The following SLIT1 variants were observed in gnomAD, a reference collection of about 807,000 sequenced individuals.
SLIT1 encodes slit guidance ligand 1.
Under a neutral mutation model 186.1 loss-of-function variants are expected in SLIT1, and 66 were observed. That is an observed-to-expected ratio of 0.35 (90% CI 0.29 to 0.44). The LOEUF (loss-of-function observed/expected upper bound fraction) is 0.44, where lower values mean the gene tolerates loss of function less well. Among genes scored for constraint, SLIT1 ranks in the 20% least tolerant of loss-of-function variants. The pLI is 1.00. For missense variants in SLIT1, 1,638 were observed against 2,037.4 expected (o/e 0.80, Z 3.77); for synonymous variants, 761 against 833.8 (o/e 0.91, Z 1.50).
intron 4 of SLIT1, among the ~76,000 whole-genome samples, chr10:97,128,526 T>C (rs569062775): frequency 6.6e-6 from 1 of 152,270 alleles, no homozygotes; most frequent in East Asian, 1.9e-4. Flanking sequence ...CCCACCTCCC[T>C]CGGGCTCTGG....
intron 4 of SLIT1, among the ~76,000 whole-genome samples, chr10:97,105,188 A>C (rs1168969112): frequency 6.6e-6 from 1 of 152,250 alleles, no homozygotes; most frequent in Non-Finnish European, 1.5e-5. Flanking sequence ...CTTCCTTAAC[A>C]TAAAAAAGTC....
chr10:97,057,280 C>A lies in SLIT1; in HGVS notation c.1087G>T (p.Val363Phe). Residue 363 changes from valine (V) to phenylalanine (F), a missense_variant and splice_region_variant, in exon 12 of 37, where the codon GTC (valine) becomes TTC (phenylalanine). Around this residue, in one of 3 missense-constraint regions of SLIT1, gnomAD observed 1,245 missense variants for 1,535.3 expected, o/e 0.81. Transcript: ENST00000266058. Reference protein sequence around the residue: ...FQGLRSLNSLVLYGNKITDLP... With the variant: ...FQGLRSLNSLFLYGNKITDLP... The stretch of plus-strand genomic sequence containing the variant: ...TCTGTGATCTTGTTTCCATAGAGGA[C>A]CCTGGAGAAAAGGCAGCAGAGAGGA... 6.2e-7 allele frequency: 1 copy of A among 1,613,634 alleles called. No individual in the cohort carries two copies. The highest frequency in any genetic ancestry group is 8.5e-7 in the Non-Finnish European group (1 of 1,179,804).
At chr10:97,136,702 C>T (rs763812017) in intron 4 of SLIT1, among the ~76,000 whole-genome samples, 2 of 152,206 alleles carry the variant, frequency 1.3e-5, no homozygotes, top group African/African-American at 2.4e-5. Flanking sequence ...GATCCTTCCA[C>T]GTTTAACGAA....
chr10:97,064,483 C>G (rs939559465), intron 6 of SLIT1, among the ~76,000 whole-genome samples: 3 of 152,112 alleles, frequency 2.0e-5, no homozygotes, highest in Admixed American at 6.5e-5. Flanking sequence ...GGAGATGGAG[C>G]AGGGCGGGTG....
intron 2 of SLIT1, among the ~76,000 whole-genome samples, chr10:97,163,675 A>G (rs1357613816): frequency 6.6e-6 from 1 of 152,210 alleles, no homozygotes; most frequent in Non-Finnish European, 1.5e-5. Context: ...CAGGGCTCCC[A>G]GCATCTTACC....
At chr10:97,176,562 C>T (rs535091701) in intron 1 of SLIT1, among the ~76,000 whole-genome samples, 37 of 152,308 alleles carry the variant, frequency 2.4e-4, no homozygotes, top group African/African-American at 8.2e-4. Flanking sequence ...TACTTGCTGC[C>T]GGCCATCTGC....
intron 4 of SLIT1, among the ~76,000 whole-genome samples, chr10:97,075,276 C>G (rs144580327): frequency 6.6e-6 from 1 of 152,366 alleles, no homozygotes; most frequent in East Asian, 1.9e-4. Flanking sequence ...AACCCCCAAG[C>G]CTCAGTCTTC....
At chr10:97,030,663 A>G in intron 25 of SLIT1, 94 bp downstream of exon 25, 1 of 1,058,308 alleles carries the variant, frequency 9.4e-7, no homozygotes, top group South Asian at 1.3e-5. Context: ...AGTAAAAGCA[A>G]CAAACTCTGA....
At chr10:97,122,982 T>G (rs1025212005) in intron 4 of SLIT1, among the ~76,000 whole-genome samples, 2 of 152,190 alleles carry the variant, frequency 1.3e-5, no homozygotes, top group Non-Finnish European at 2.9e-5. Flanking sequence ...AGATGTCATT[T>G]ATCCAGGAAG....
intron 22 of SLIT1, among the ~76,000 whole-genome samples, chr10:97,037,461 C>T (rs577920966): frequency 1.6e-4 from 24 of 152,154 alleles, no homozygotes; most frequent in African/African-American, 5.5e-4. Flanking sequence ...GGGGAGACGG[C>T]GTGGGCAGGA....
At chr10:97,070,366 AC>A (rs1848991296) in intron 4 of SLIT1, among the ~76,000 whole-genome samples, 2 of 152,156 alleles carry the variant, frequency 1.3e-5, no homozygotes, top group African/African-American at 4.8e-5. Flanking sequence ...CATGTTAGAG[AC>A]TTGGCTACAT....
rs1275537165 is a variant in SLIT1 at position 97,021,395 on chromosome 10, G to A, written c.2601C>T (p.Pro867=). The A allele has an allele frequency of 2.5e-6, 4 of 1,613,948 alleles. No homozygotes were observed. In the South Asian group the frequency reaches 4.4e-5, roughly 18 times the overall value. The change falls in exon 26 of 37, where the codon CCC becomes CCT. Residue 867 remains proline (P), a synonymous_variant. Coordinates refer to ENST00000266058, the MANE Select transcript of SLIT1 (RefSeq NM_003061.3). This position sits in a 1 kb window ranked among gnomAD's most constrained non-coding sequence, Gnocchi z 4.5. Reference sequence around the variant, plus strand: ...AGCGGAGGTGGCAGTCACAGTATAGGGGGTTGGCACCAATGGCCCTGAGCA... The same window carrying A: ...AGCGGAGGTGGCAGTCACAGTATAGAGGGTTGGCACCAATGGCCCTGAGCA... ...SLSHLAIGAN[P]LYCDCHLRWL... is the part of the protein sequence containing the mutation.
chr10:97,094,868 T>C (rs1424811692), intron 4 of SLIT1, among the ~76,000 whole-genome samples: 1 of 152,232 alleles, frequency 6.6e-6, no homozygotes, highest in East Asian at 1.9e-4. Context: ...TTTTACAATT[T>C]ATGGAATTAT....
chr10:97,024,033 CA>C (rs1848524032), intron 25 of SLIT1, among the ~76,000 whole-genome samples: 1 of 152,166 alleles, frequency 6.6e-6, no homozygotes. Flanking sequence ...TTCTCTGACT[CA>C]GCAAATATGA....
At chr10:97,159,009 C>T (rs115312458) in intron 3 of SLIT1, among the ~76,000 whole-genome samples, 3,556 of 152,166 alleles carry the variant, frequency 0.023, 138 homozygotes, top group African/African-American at 0.08. Flanking sequence ...CTAAGAGAAA[C>T]GTCATCTCTA....
At chr10:97,141,810 C>T (rs1185303759) in intron 4 of SLIT1, among the ~76,000 whole-genome samples, 1 of 150,982 alleles carries the variant, frequency 6.6e-6, no homozygotes, top group Non-Finnish European at 1.5e-5. Flanking sequence ...TTGTATTGTA[C>T]TAGACAGGGT....
At chr10:97,038,006 C>T (rs1848655987) in intron 21 of SLIT1, among the ~76,000 whole-genome samples, 1 of 152,144 alleles carries the variant, frequency 6.6e-6, no homozygotes, top group Admixed American at 6.5e-5. Flanking sequence ...TCTCTCGGTT[C>T]CCTTCTCGCT....
chr10:97,119,913 G>GTATATATGTATA (rs1849543621), intron 4 of SLIT1, among the ~76,000 whole-genome samples: 1 of 56,510 alleles, frequency 1.8e-5, no homozygotes, highest in Non-Finnish European at 3.7e-5. Context: ...TTCCAAAGGG[G>GTATATATGTATA]TATATATATA....
intron 4 of SLIT1, among the ~76,000 whole-genome samples, chr10:97,156,814 A>G (rs1401377029): frequency 7.0e-6 from 1 of 143,330 alleles, no homozygotes; most frequent in Admixed American, 7.4e-5. Context: ...TACATTGCTT[A>G]TTACCCCTTT....
Sources: allele counts gnomAD v4.1 joint callset (sites outside exome capture counted in the v4.1 genomes callset), GRCh38; gene constraint gnomAD v4.1.1; regional missense constraint gnomAD v4.1.1; non-coding constraint Gnocchi (gnomAD v3.1); transcripts MANE v1.5; gene names NCBI Gene and HGNC (gene_info 2026-07-23, HGNC 2026-07-21).